The following CACNA1C variants were observed in gnomAD, a reference collection of about 807,000 sequenced individuals.
The protein encoded by CACNA1C is voltage-dependent L-type calcium channel subunit alpha-1C.
Under a neutral mutation model 229.0 loss-of-function variants are expected in CACNA1C, and 30 were observed. The ratio of observed to expected loss-of-function variants is 0.13; its 90% CI spans 0.10 to 0.18. CACNA1C has a LOEUF of 0.18. CACNA1C is among the 10% of genes least tolerant of loss of function. The probability of loss-of-function intolerance (pLI) is 1.00; values close to 1 mark genes in which losing one functional copy is unlikely to be tolerated. For missense variants in CACNA1C, 1,658 were observed against 2,845.0 expected, an observed-to-expected ratio of 0.58 and a Z score of 9.49; for synonymous variants, 1,114 against 1,132.5, an observed-to-expected ratio of 0.98 and a Z score of 0.33.
intron 1 of CACNA1C, among the ~76,000 whole-genome samples, chr12:2,072,942 A>G (rs1188920916): frequency 6.6e-6 from 1 of 152,162 alleles, no homozygotes; most frequent in East Asian, 1.9e-4. Context: ...TTAAGTGTCT[A>G]CTAGATACCA....
At chr12:2,326,048 A>T (rs1248496839) in intron 3 of CACNA1C, among the ~76,000 whole-genome samples, 1 of 152,226 alleles carries the variant, frequency 6.6e-6, no homozygotes, top group Non-Finnish European at 1.5e-5. Context: ...TGGGGGCAGC[A>T]GGGGGAGGCA....
At position 2,412,654 on chromosome 12, in the gene CACNA1C, A is replaced by G. The variant is rs138853625; in HGVS notation, c.478-36322A>G. ...TAGTAAGTGCTCAGTAAATCATCTC[A>G]CTTTTTTTTGAACCAGAGAATAAAT... On this transcript the variant is annotated intron_variant, in intron 3 of 46. Transcript: ENST00000399655. Among the ~76,000 whole-genome samples, 569 of 152,346 alleles carry G rather than the reference A, an allele frequency of 3.7e-3. 3 individuals are homozygous for G. The highest frequency in any genetic ancestry group is 0.013 in the African/African-American group (543 of 41,592).
intron 3 of CACNA1C, among the ~76,000 whole-genome samples, chr12:2,388,221 G>A (rs2098426277): frequency 6.6e-6 from 1 of 152,174 alleles, no homozygotes; most frequent in South Asian, 2.1e-4. Flanking sequence ...GTGCAGCATG[G>A]TAACTATAAT....
intron 34 of CACNA1C, among the ~76,000 whole-genome samples, chr12:2,659,593 T>TCAGAGCC (rs2095599471): frequency 6.6e-6 from 1 of 152,140 alleles, no homozygotes; most frequent in Admixed American, 6.5e-5. Flanking sequence ...AAGAAAAAAT[T>TCAGAGCC]CAGAGCCTGA....
At chr12:2,199,249 T>G (rs2097515303) in intron 3 of CACNA1C, among the ~76,000 whole-genome samples, 1 of 152,134 alleles carries the variant, frequency 6.6e-6, no homozygotes. Flanking sequence ...CAGCTGACTC[T>G]TGAACAGTAC....
chr12:2,547,656 T>G, intron 9 of CACNA1C: 1 of 312,974 alleles, frequency 3.2e-6, no homozygotes, highest in Non-Finnish European at 6.3e-6. Context: ...GTATATATGT[T>G]GTGTGTGTGT....
intron 3 of CACNA1C, among the ~76,000 whole-genome samples, chr12:2,268,734 G>A (rs1293783769): frequency 1.3e-5 from 2 of 152,188 alleles, no homozygotes; most frequent in Non-Finnish European, 2.9e-5. Flanking sequence ...GTTGCTAGGC[G>A]CTGGGGGAGG....
At chr12:2,511,692 G>T (rs1355409479) in intron 8 of CACNA1C, among the ~76,000 whole-genome samples, 1 of 152,130 alleles carries the variant, frequency 6.6e-6, no homozygotes, top group Non-Finnish European at 1.5e-5. Flanking sequence ...AAAAGGCACA[G>T]ACTTGCTTTG....
intron 3 of CACNA1C, among the ~76,000 whole-genome samples, chr12:2,423,236 C>G (rs774221828): frequency 6.6e-6 from 1 of 152,018 alleles, no homozygotes; most frequent in Admixed American, 6.6e-5. Context: ...TCTCATGGTG[C>G]GTTTTATAGT....
Position 2,140,539 on chromosome 12 carries a change from A to G in CACNA1C, c.477+20109A>G, listed in dbSNP as rs192041061. Among the ~76,000 whole-genome samples, 55 of 151,466 alleles carry G rather than the reference A, an allele frequency of 3.6e-4. 2 individuals are homozygous for G. The highest frequency in any genetic ancestry group is 3.4e-3 in the Admixed American group (52 of 15,106). On this transcript the variant is annotated intron_variant, in intron 3 of 46. Transcript: ENST00000399655. ...CATCCCAGACCTCTCTCTGCTCCTC[A>G]CCAGCTGAGTGACCTTGGGCAAATG...
At chr12:2,564,590 G>C (rs2049284227) in intron 11 of CACNA1C, among the ~76,000 whole-genome samples, 1 of 152,008 alleles carries the variant, frequency 6.6e-6, no homozygotes, top group East Asian at 1.9e-4. Flanking sequence ...TCTCATAACT[G>C]ACCCCTCTGC....
Position 2,257,492 on chromosome 12 carries a change from A to T in CACNA1C, c.477+137062A>T, listed in dbSNP as rs151013914. ...GGAGCATGCAACCTAGATCCCCAGC[A>T]TGCACAGTTCACAATAGGGTTTGCT... On this transcript the variant is annotated intron_variant, in intron 3 of 46. Transcript: ENST00000399655. 4.4e-3 allele frequency among the ~76,000 whole-genome samples: 674 copies of T among 152,342 alleles called. 14 individuals carry two copies. Among genetic ancestry groups the T allele is most frequent in the African/African-American group, 0.015 (640 of 41,578 alleles).
chr12:2,462,266 A>G (rs376442974), intron 5 of CACNA1C, among the ~76,000 whole-genome samples: 3 of 143,232 alleles, frequency 2.1e-5, no homozygotes, highest in East Asian at 4.1e-4. Flanking sequence ...CTCTCCATAC[A>G]GGCCTGCACA....
chr12:2,270,484 G>C (rs1175409088), intron 3 of CACNA1C, among the ~76,000 whole-genome samples: 2 of 152,186 alleles, frequency 1.3e-5, no homozygotes, highest in African/African-American at 4.8e-5. Context: ...TTTTGAATTG[G>C]TCAAGGCAAC....
intron 3 of CACNA1C, among the ~76,000 whole-genome samples, chr12:2,150,091 G>GTAGCA (rs2095102503): frequency 1.3e-5 from 2 of 152,206 alleles, no homozygotes; most frequent in Non-Finnish European, 2.9e-5. Context: ...GGCAGCAAGA[G>GTAGCA]TAGCAGCTCC....
At chr12:2,106,905 G>A (rs1429259310) in intron 1 of CACNA1C, among the ~76,000 whole-genome samples, 2 of 65,634 alleles carry the variant, frequency 3.0e-5, no homozygotes, top group Admixed American at 1.6e-4. Context: ...GCCACTGGGC[G>A]CCCACCCCGG....
At chr12:2,612,065 C>A in intron 29 of CACNA1C, 52 bp downstream of exon 29, 1 of 1,101,866 alleles carries the variant, frequency 9.1e-7, no homozygotes, top group Non-Finnish European at 1.4e-6. Context: ...GTGGACAGAA[C>A]GGGGAGGTGG....
At chr12:2,107,132 G>A (rs1185484133) in intron 1 of CACNA1C, among the ~76,000 whole-genome samples, 49 of 130,594 alleles carry the variant, frequency 3.8e-4, no homozygotes, top group African/African-American at 1.4e-3. Context: ...CCCACCCCGG[G>A]GAGGGTTTCC....
rs117992315 is a variant in CACNA1C, at chr12:2,186,284, G to A, written c.477+65854G>A. On this transcript the variant is annotated intron_variant, in intron 3 of 46. Transcript: ENST00000399655. ...CCCCAGCTGTGTGGTCGGTCCTCTC[G>A]GCTCATGTTATGGGTGGCCGGGAAG... 5.9e-3 allele frequency among the ~76,000 whole-genome samples: 892 copies of A among 152,206 alleles called. 7 individuals carry two copies. Among genetic ancestry groups the A allele is most frequent in the Admixed American group, 0.013 (206 of 15,290 alleles).
Sources: gnomAD v4.1 joint callset for allele counts (sites outside exome capture counted in the v4.1 genomes callset) on GRCh38, gnomAD v4.1.1 for gene constraint, MANE v1.5 for transcripts, NCBI Gene and HGNC (gene_info 2026-07-23, HGNC 2026-07-21) for gene names.